Variants in USP40 observed in about 807,000 individuals in gnomAD.
The protein encoded by USP40 is ubiquitin specific peptidase 40.
In USP40, 143 loss-of-function variants were observed where a neutral mutation model predicts 166.2. The observed-to-expected ratio is 0.86, with a 90% CI of 0.75 to 0.99. The LOEUF (loss-of-function observed/expected upper bound fraction) is 0.99, where lower values mean the gene tolerates loss of function less well. Ranked by LOEUF, USP40 falls within the 50% of genes least tolerant of loss-of-function variation. USP40 has a pLI of 0.00. For synonymous variants in USP40, 498 were observed against 524.0 expected, an observed-to-expected ratio of 0.95 and a Z score of 0.68; for missense variants, 1,444 against 1,479.7, an observed-to-expected ratio of 0.98 and a Z score of 0.40.
At position 233,523,287 on chromosome 2, in the gene USP40, C is replaced by T. The variant is rs1174091925; in HGVS notation, c.2084G>A (p.Cys695Tyr). The change falls in exon 16 of 32, where the codon TGT (cysteine) becomes TAT (tyrosine). Residue 695 changes from cysteine to tyrosine, a missense_variant. Cys to Tyr is a radical substitution (Grantham distance 194). Transcript: ENST00000678225. ...AGVIFINSAG[C>Y]PGGEGWTAIP... ...GGCCGTCCAACCCTCCCCACCTGGA[C>T]ATCCAGCACTGTTGATGAAGATGAC... is the stretch of plus-strand genomic sequence containing the variant. 1.2e-6 allele frequency: 2 copies of T among 1,614,046 alleles called. No homozygotes were observed. The highest frequency in any genetic ancestry group is 2.2e-5 in the South Asian group (2 of 91,086).
chr2:233,510,392 C>CTTTTT lies in USP40; in HGVS notation c.2527-262_2527-258dup, dbSNP rs1158427662. On this transcript the variant is annotated intron_variant, in intron 20 of 31. Coordinates refer to ENST00000678225, the MANE Select transcript of USP40 (RefSeq NM_001365479.2). ...CCACATACACTACTTCTTTTTCTTTCTTTTTTTTTTTTTTTTTTTTTTTTT... is the reference window on the plus strand; with the variant it reads ...CCACATACACTACTTCTTTTTCTTTCTTTTTTTTTTTTTTTTTTTTTTTTTTTTTT... 5.4e-3 allele frequency among the ~76,000 whole-genome samples: 372 copies of CTTTTT among 68,636 alleles called. 9 individuals carry two copies. The highest frequency in any genetic ancestry group is 7.8e-3 in the African/African-American group (114 of 14,694). 45.0% of individuals were successfully genotyped at this position (68,636 alleles called of 152,430 possible).
At chr2:233,484,225 AATTTT>A in intron 30 of USP40, among the ~76,000 whole-genome samples, 1 of 152,150 alleles carries the variant, frequency 6.6e-6, no homozygotes, top group East Asian at 1.9e-4. Flanking sequence ...TTATGCTATT[AATTTT>A]ATTTAATCTA....
chr2:233,498,076 G>C (rs2065851187), intron 23 of USP40, among the ~76,000 whole-genome samples: 2 of 152,302 alleles, frequency 1.3e-5, no homozygotes, highest in South Asian at 4.1e-4. Flanking sequence ...CAACTCTCCT[G>C]TGATAAAATT....
At position 233,533,715 on chromosome 2, in the gene USP40, T is replaced by G. The variant is rs1432972351; in HGVS notation, c.1235A>C (p.Lys412Thr). Residue 412 changes from lysine (K) to threonine (T), a missense_variant, in exon 11 of 32, where the codon AAG becomes ACG. Transcript: ENST00000678225. ...AGACTCAGCCTGGAGAGAACTATTC[T>G]TCAAGAGACGAACTGTACTTTCATC... is the stretch of plus-strand genomic sequence containing the variant. ...SSDESTVRLLKNSSLQAESDF... is the reference protein window; with the variant it reads ...SSDESTVRLLTNSSLQAESDF... 4 of 1,613,352 alleles carry G rather than the reference T, an allele frequency of 2.5e-6. No homozygotes were observed. Among genetic ancestry groups the G allele is most frequent in the Non-Finnish European group, 8.5e-7 (1 of 1,179,646 alleles).
At chr2:233,497,985 T>C (rs1206405582) in intron 23 of USP40, among the ~76,000 whole-genome samples, 1 of 152,228 alleles carries the variant, frequency 6.6e-6, no homozygotes, top group Non-Finnish European at 1.5e-5. Flanking sequence ...CAGAGCTTTA[T>C]TTTGGGTCTT....
At chr2:233,561,010 A>T in intron 3 of USP40, 1 of 943,878 alleles carries the variant, frequency 1.1e-6, no homozygotes, top group Non-Finnish European at 1.7e-6. Flanking sequence ...TCCATTACCC[A>T]TAGGGTATAG....
chr2:233,527,651 A>AT lies in USP40; in HGVS notation c.1554-74dup, dbSNP rs924054535. On this transcript the variant is annotated intron_variant, in intron 12 of 31. Transcript: ENST00000678225. The stretch of plus-strand genomic sequence containing the variant: ...CACTGTGTTTTATCTCAAACCAAAG[A>AT]TATCTGGCTTACAATAAAGTTCTCC... 6 of 1,318,950 alleles carry AT rather than the reference A, an allele frequency of 4.5e-6. No homozygotes were observed. The African/African-American group carries it at 9.0e-5, about 20-fold the overall frequency. The allele number at this position is 1,318,950 out of a possible 1,614,324, so 81.7% of individuals were successfully genotyped here. A position where few individuals can be genotyped will look rare whatever the true frequency, so the allele number is the denominator to read the frequency against.
At chr2:233,551,266 T>C (rs528660709) in intron 7 of USP40, 110 bp downstream of exon 7, 110 of 1,198,510 alleles carry the variant, frequency 9.2e-5, no homozygotes, top group Admixed American at 3.0e-4. Flanking sequence ...AAAATGTCAA[T>C]GGTGCCAAGG....
At chr2:233,488,692 T>C (rs1265721513) in intron 27 of USP40, among the ~76,000 whole-genome samples, 1 of 152,172 alleles carries the variant, frequency 6.6e-6, no homozygotes, top group Non-Finnish European at 1.5e-5. Context: ...GGTGGAAGGA[T>C]TGCTTGAGGC....
rs143351259 is a variant in USP40 at position 233,531,405 on chromosome 2, T to G, written c.1472-1893A>C. Among the ~76,000 whole-genome samples, 977 of 152,344 alleles carry G rather than the reference T, an allele frequency of 6.4e-3. 4 individuals are homozygous for G. Among genetic ancestry groups the G allele is most frequent in the African/African-American group, 0.022 (924 of 41,586 alleles). On this transcript the variant is annotated intron_variant, in intron 11 of 31. Transcript: ENST00000678225. Reference sequence around the variant, plus strand: ...CCCTTCATTCCCAAAAAAGTACACCTAGATTTTTTGTTGGATCTTTGTTCA... The same window carrying G: ...CCCTTCATTCCCAAAAAAGTACACCGAGATTTTTTGTTGGATCTTTGTTCA...
intron 5 of USP40, 177 bp downstream of exon 5, chr2:233,556,678 C>T (rs1025328298): frequency 4.3e-6 from 2 of 468,472 alleles, no homozygotes; most frequent in Non-Finnish European, 7.0e-6. Flanking sequence ...TTTCAATCTA[C>T]ATGGAGAAAT....
At chr2:233,544,418 A>G (rs1200589198) in intron 8 of USP40, among the ~76,000 whole-genome samples, 1 of 152,154 alleles carries the variant, frequency 6.6e-6, no homozygotes, top group Non-Finnish European at 1.5e-5. Flanking sequence ...GATTAAATAA[A>G]TCACTCGTCA....
At chr2:233,490,329 AT>A (rs763315819) in intron 26 of USP40, among the ~76,000 whole-genome samples, 358 of 141,560 alleles carry the variant, frequency 2.5e-3, no homozygotes, top group East Asian at 3.7e-3. Context: ...TGCCAGGTGA[AT>A]TTTTTTTTTT....
Position 233,485,595 on chromosome 2 carries a change from T to C in USP40, c.3440A>G (p.Lys1147Arg). 3 of 1,613,944 alleles carry C rather than the reference T, an allele frequency of 1.9e-6. No individual in the cohort carries two copies. Among genetic ancestry groups the C allele is most frequent in the African/African-American group, 1.3e-5 (1 of 75,046 alleles). Residue 1147 changes from lysine (K) to arginine (R), a missense_variant, in exon 30 of 32, where the codon AAA (lysine) becomes AGA (arginine). Lys to Arg is a conservative substitution (Grantham distance 26, BLOSUM62 2). Transcript: ENST00000678225. ...TGCCCCTTGCAAATAATCTTGTTTT[T>C]TTTTCTTTTTCCTCTTGGTTATTTG... is the stretch of plus-strand genomic sequence containing the variant. ...NQQITKRKKKKKQDYLQGAPY... is the reference protein window; with the variant it reads ...NQQITKRKKKRKQDYLQGAPY...
Position 233,565,590 on chromosome 2 carries a change from T to G in USP40, c.-19-17A>C. 6.6e-7 allele frequency: 1 copy of G among 1,515,774 alleles called. No homozygotes were observed. Among genetic ancestry groups the G allele is most frequent in the South Asian group, 1.2e-5 (1 of 80,004 alleles). The allele number at this position is 1,515,774 out of a possible 1,614,324, so 93.9% of individuals were successfully genotyped here. A position where few individuals can be genotyped will look rare whatever the true frequency, so the allele number is the denominator to read the frequency against. ...AATACTACCCTTAAAAAAAGTGACATATAAATGCTTTTATTTTTAAAATAA... is the reference window on the plus strand; with the variant it reads ...AATACTACCCTTAAAAAAAGTGACAGATAAATGCTTTTATTTTTAAAATAA... On this transcript the variant is annotated splice_polypyrimidine_tract_variant and intron_variant, in intron 1 of 31. Coordinates refer to ENST00000678225, the MANE Select transcript of USP40 (RefSeq NM_001365479.2).
At chr2:233,544,711 A>G (rs911801436) in intron 8 of USP40, among the ~76,000 whole-genome samples, 3 of 152,194 alleles carry the variant, frequency 2.0e-5, no homozygotes, top group South Asian at 2.1e-4. Context: ...ATATATCACA[A>G]TGACAAAATC....
intron 12 of USP40, among the ~76,000 whole-genome samples, chr2:233,528,179 A>G (rs548935977): frequency 6.6e-6 from 1 of 152,196 alleles, no homozygotes; most frequent in South Asian, 2.1e-4. Context: ...GGGTTTCACC[A>G]TGTTGACCAG....
chr2:233,534,470 T>C (rs947774804), intron 10 of USP40, among the ~76,000 whole-genome samples: 3 of 152,214 alleles, frequency 2.0e-5, no homozygotes, highest in African/African-American at 7.2e-5. Context: ...TTACTTTATA[T>C]AGAAAATTAC....
At chr2:233,503,924 AG>A (rs1175319395) in intron 21 of USP40, among the ~76,000 whole-genome samples, 1 of 152,168 alleles carries the variant, frequency 6.6e-6, no homozygotes, top group Non-Finnish European at 1.5e-5. Flanking sequence ...TCTTCCATGA[AG>A]GTTTAAAGTC....
Sources: gnomAD v4.1 joint callset for allele counts (sites outside exome capture counted in the v4.1 genomes callset) on GRCh38, gnomAD v4.1.1 for gene constraint, MANE v1.5 for transcripts, NCBI Gene and HGNC (gene_info 2026-07-23, HGNC 2026-07-21) for gene names.